The following SLC5A12 variants were observed in gnomAD, a reference collection of about 807,000 sequenced individuals.
SLC5A12 encodes the protein sodium-coupled monocarboxylate transporter 2.
In SLC5A12, 46 loss-of-function variants were observed where a neutral mutation model predicts 72.7. The ratio of observed to expected loss-of-function variants is 0.63; its 90% CI spans 0.50 to 0.81. The LOEUF is 0.81. SLC5A12 is among the 30% of genes least tolerant of loss of function. The probability of loss-of-function intolerance (pLI) is 0.00; values close to 1 mark genes in which losing one functional copy is unlikely to be tolerated. For missense variants in SLC5A12, 683 were observed against 740.7 expected, an observed-to-expected ratio of 0.92 and a Z score of 0.90; for synonymous variants, 275 against 264.4, an observed-to-expected ratio of 1.04 and a Z score of -0.39.
chr11:26,708,913 C>T (rs1029154754), intron 4 of SLC5A12: 11 of 154,392 alleles, frequency 7.1e-5, no homozygotes, highest in Non-Finnish European at 1.1e-4. Context: ...CTTGTATGTA[C>T]ATTTTGTTAT....
intron 14 of SLC5A12, among the ~76,000 whole-genome samples, chr11:26,671,727 C>T (rs1854149063): frequency 6.6e-6 from 1 of 152,126 alleles, no homozygotes; most frequent in Admixed American, 6.6e-5. Flanking sequence ...TGTCCCCTCC[C>T]TTTCAACTTA....
At chr11:26,698,845 T>C (rs1405371370) in intron 6 of SLC5A12, among the ~76,000 whole-genome samples, 1 of 152,226 alleles carries the variant, frequency 6.6e-6, no homozygotes, top group African/African-American at 2.4e-5. Flanking sequence ...AAATTTCACA[T>C]ACCAATCACT....
intron 6 of SLC5A12, 104 bp from the exon 7 acceptor site, chr11:26,698,639 A>T (rs930772428): frequency 1.1e-5 from 12 of 1,104,136 alleles, no homozygotes; most frequent in Non-Finnish European, 1.4e-5. Context: ...TCTTTTTGCT[A>T]GTAAAATAAA....
chr11:26,701,804 A>G (rs79055490), intron 6 of SLC5A12, among the ~76,000 whole-genome samples: 5,272 of 152,162 alleles, frequency 0.035, 300 homozygotes, highest in African/African-American at 0.12. Context: ...GCCCATCCAT[A>G]CTTGTGTGTG....
chr11:26,721,680 A>G lies in SLC5A12; in HGVS notation c.35T>C (p.Val12Ala). The G allele has an allele frequency of 6.2e-7, 1 of 1,614,022 alleles. No homozygotes were observed. The highest frequency in any genetic ancestry group is 8.5e-7 in the Non-Finnish European group (1 of 1,179,984). The stretch of plus-strand genomic sequence containing the variant: ...AATGAAAAAGAGGGCTGCAAATACA[A>G]CATAATCCCAAACTGCAAAGTTCTT... ...EVKNFAVWDY[V>A]VFAALFFISS... The change falls in exon 1 of 15, where the codon GTT becomes GCT. Residue 12 changes from valine to alanine, a missense_variant. By Grantham distance (64) the Val-to-Ala change is moderately conservative (BLOSUM62 0). Coordinates refer to ENST00000396005, the MANE Select transcript of SLC5A12 (RefSeq NM_178498.4).
intron 8 of SLC5A12, among the ~76,000 whole-genome samples, chr11:26,693,636 A>G (rs937080906): frequency 6.6e-6 from 1 of 152,210 alleles, no homozygotes; most frequent in Admixed American, 6.5e-5. Context: ...AATCACAACT[A>G]TGAGAAAAAA....
At chr11:26,671,289 C>T in intron 14 of SLC5A12, 38 bp from the exon 15 acceptor site, 1 of 1,532,532 alleles carries the variant, frequency 6.5e-7, no homozygotes, top group Non-Finnish European at 8.8e-7. Context: ...GCAAGATATC[C>T]TTGATGTACT....
At chr11:26,705,824 C>A (rs1855070553) in intron 4 of SLC5A12, among the ~76,000 whole-genome samples, 1 of 151,730 alleles carries the variant, frequency 6.6e-6, no homozygotes, top group South Asian at 2.1e-4. Context: ...GGCAAGAGAA[C>A]AAACCACTTT....
At chr11:26,703,723 A>G (rs754528911) in intron 5 of SLC5A12, 52 bp from the exon 6 acceptor site, 1 of 1,613,022 alleles carries the variant, frequency 6.2e-7, no homozygotes, top group Non-Finnish European at 8.5e-7. Flanking sequence ...GATGCCTAAG[A>G]TATTATTTTA....
intron 6 of SLC5A12, among the ~76,000 whole-genome samples, chr11:26,698,982 A>G (rs543993071): frequency 1.3e-5 from 2 of 152,336 alleles, no homozygotes; most frequent in South Asian, 4.1e-4. Context: ...TAAGTGTTGG[A>G]AATATTCACT....
chr11:26,704,051 A>T, intron 4 of SLC5A12, 104 bp from the exon 5 acceptor site: 1 of 1,232,296 alleles, frequency 8.1e-7, no homozygotes, highest in Non-Finnish European at 1.2e-6. Flanking sequence ...TTGTTTATTC[A>T]GCATCAGCCA....
chr11:26,713,303 C>A (rs550576581), intron 1 of SLC5A12, among the ~76,000 whole-genome samples: 12 of 152,210 alleles, frequency 7.9e-5, no homozygotes, highest in South Asian at 2.1e-4. Context: ...ATGTCACTAA[C>A]CTTCACATAA....
chr11:26,685,619 C>A (rs200268445), intron 10 of SLC5A12, among the ~76,000 whole-genome samples: 7 of 146,242 alleles, frequency 4.8e-5, no homozygotes, highest in Middle Eastern at 3.5e-3. Flanking sequence ...AAAAAACAAA[C>A]AAACAAAAAA....
chr11:26,680,807 C>G (rs924449723), intron 12 of SLC5A12, among the ~76,000 whole-genome samples: 1 of 152,086 alleles, frequency 6.6e-6, no homozygotes, highest in African/African-American at 2.4e-5. Flanking sequence ...ACTATTTTTT[C>G]TCTTTTGTAC....
intron 6 of SLC5A12, among the ~76,000 whole-genome samples, chr11:26,699,309 C>T (rs556070275): frequency 2.0e-5 from 3 of 152,268 alleles, no homozygotes; most frequent in Admixed American, 6.5e-5. Flanking sequence ...AAGAGAGCAA[C>T]GCTGAACATT....
intron 4 of SLC5A12, among the ~76,000 whole-genome samples, chr11:26,704,614 A>G (rs1855041465): frequency 6.6e-6 from 1 of 152,186 alleles, no homozygotes. Context: ...GCAGGAAAAG[A>G]AAAGGAGTTG....
chr11:26,695,167 A>G (rs1286188698), intron 8 of SLC5A12, among the ~76,000 whole-genome samples: 1 of 152,110 alleles, frequency 6.6e-6, no homozygotes, highest in Non-Finnish European at 1.5e-5. Flanking sequence ...CTAATAGATA[A>G]ATTATATTTT....
At chr11:26,714,902 T>G (rs1466631518) in intron 1 of SLC5A12, among the ~76,000 whole-genome samples, 1 of 152,100 alleles carries the variant, frequency 6.6e-6, no homozygotes, top group Non-Finnish European at 1.5e-5. Context: ...GATGATATAT[T>G]CTGTGAGCCA....
At chr11:26,685,136 T>C (rs998001782) in intron 10 of SLC5A12, among the ~76,000 whole-genome samples, 1 of 152,202 alleles carries the variant, frequency 6.6e-6, no homozygotes, top group Non-Finnish European at 1.5e-5. Context: ...ATTAGTTCCC[T>C]GAATCTTAAA....
Sources: allele counts gnomAD v4.1 joint callset (sites outside exome capture counted in the v4.1 genomes callset), GRCh38; gene constraint gnomAD v4.1.1; transcripts MANE v1.5; gene names NCBI Gene and HGNC (gene_info 2026-07-23, HGNC 2026-07-21).